PPP6R3: variants seen among roughly 807,000 people sequenced by gnomAD.
PPP6R3 encodes the protein serine/threonine-protein phosphatase 6 regulatory subunit 3.
Under a neutral mutation model 110.7 loss-of-function variants are expected in PPP6R3, and 38 were observed. The observed-to-expected ratio is 0.34, with a 90% confidence interval of 0.26 to 0.45. The LOEUF (loss-of-function observed/expected upper bound fraction) is 0.45. Ranked by LOEUF, PPP6R3 falls within the 20% of genes least tolerant of loss-of-function variation. The pLI, the probability that PPP6R3 is intolerant of heterozygous loss-of-function variation, is 1.00. For synonymous variants in PPP6R3, 369 were observed against 373.5 expected (o/e 0.99, Z 0.14); for missense variants, 870 against 1,062.4 (o/e 0.82, Z 2.52).
intron 5 of PPP6R3, among the ~76,000 whole-genome samples, chr11:68,549,691 A>G (rs2099363256): frequency 6.6e-6 from 1 of 152,126 alleles, no homozygotes; most frequent in Non-Finnish European, 1.5e-5. Flanking sequence ...TTTATTCAGG[A>G]TGGTTTACTG....
intron 1 of PPP6R3, among the ~76,000 whole-genome samples, chr11:68,499,657 C>T (rs1412955101): frequency 6.6e-6 from 1 of 152,142 alleles, no homozygotes; most frequent in Non-Finnish European, 1.5e-5. Context: ...CAGCCTTGAC[C>T]TTCCTGGCTC....
In PPP6R3 at chr11:68,609,949, C is replaced by T. The variant is rs745362695; in HGVS notation, c.2496C>T (p.Asp832=). Residue 832 remains aspartate, a synonymous_variant, in exon 23 of 24, where the codon GAC becomes GAT. Transcript: ENST00000393800. ...CCTCTCAAGATGCTGCTTGTAAAGA[C>T]GCAGAGGAGTGTCCCGAGACTGCAG... ...LSTSQDAACK[D]AEECPETAEA... The T allele has an allele frequency of 2.6e-5, 42 of 1,614,044 alleles. No individual in the cohort carries two copies. The highest frequency in any genetic ancestry group is 3.3e-4 in the Middle Eastern group (2 of 6,084).
chr11:68,613,947 A>AAG lies in PPP6R3; in HGVS notation c.*830_*831insAG. The AAG allele has an allele frequency of 1.1e-6, 1 of 949,966 alleles. No individual in the cohort carries two copies. The highest frequency in any genetic ancestry group is 5.0e-5 in the South Asian group (1 of 19,898). 58.8% of individuals were successfully genotyped at this position (949,966 alleles called of 1,614,324 possible). On this transcript the variant is annotated 3_prime_UTR_variant, in exon 24 of 24. Transcript: ENST00000393800. ...TTGTTTTTGTTTGTTTTTTTGTTTC[A>AAG]TTTGGTAGTTCATCTGCCTTTTAAC...
chr11:68,510,678 T>C (rs1403409958), intron 1 of PPP6R3, among the ~76,000 whole-genome samples: 1 of 152,190 alleles, frequency 6.6e-6, no homozygotes, highest in Non-Finnish European at 1.5e-5. Context: ...GCTTTATATG[T>C]CCATATTTTG....
At chr11:68,591,464 G>A in intron 17 of PPP6R3, 112 bp from the exon 18 acceptor site, 1 of 964,960 alleles carries the variant, frequency 1.0e-6, no homozygotes, top group South Asian at 1.9e-5. Context: ...GTATGTGATA[G>A]GCACCATATT....
chr11:68,609,143 C>A (rs566809378), intron 22 of PPP6R3, among the ~76,000 whole-genome samples: 5 of 152,172 alleles, frequency 3.3e-5, no homozygotes, highest in African/African-American at 7.2e-5. Flanking sequence ...AAATTTCTAG[C>A]CCACAGAGCT....
intron 15 of PPP6R3, among the ~76,000 whole-genome samples, chr11:68,584,645 G>C (rs1029785970): frequency 6.6e-6 from 1 of 152,046 alleles, no homozygotes; most frequent in Non-Finnish European, 1.5e-5. Context: ...CTGGTTCCAG[G>C]GTCATACCTG....
rs1035659447 is a variant in PPP6R3 at position 68,602,687 on chromosome 11, C to A, written c.2300-655C>A. ...AACCAATAACTAATGCTGGTTTCAT[C>A]ATCCTCCTGAACATTTGATACAGAT... On this transcript the variant is annotated intron_variant, in intron 21 of 23. Coordinates refer to ENST00000393800, the MANE Select transcript of PPP6R3 (RefSeq NM_001164161.2). Among the ~76,000 whole-genome samples, 10 of 152,198 alleles carry A rather than the reference C, an allele frequency of 6.6e-5. No individual in the cohort carries two copies. In the East Asian group the frequency reaches 1.9e-3, roughly 29 times the overall value.
intron 6 of PPP6R3, among the ~76,000 whole-genome samples, chr11:68,551,823 G>A (rs2099381361): frequency 6.6e-6 from 1 of 152,140 alleles, no homozygotes; most frequent in African/African-American, 2.4e-5. Flanking sequence ...AGCAGTTGAT[G>A]TGGCCACATT....
At chr11:68,522,394 A>G (rs2099168487) in intron 2 of PPP6R3, 1 of 152,272 alleles carries the variant, frequency 6.6e-6, no homozygotes, top group Non-Finnish European at 1.5e-5. Context: ...TTAATGTAGT[A>G]GATGATTCAC....
In PPP6R3 at chr11:68,462,244, A is replaced by G. The variant is rs1477080076; in HGVS notation, c.-158+1417A>G. ...GGTACTATTGGGAAGTCAGATGAGC[A>G]TTTGAGTCCCGACTCTTGGTGACTG... On this transcript the variant is annotated intron_variant, in intron 1 of 23. Coordinates refer to ENST00000393800, the MANE Select transcript of PPP6R3 (RefSeq NM_001164161.2). 5.9e-5 allele frequency among the ~76,000 whole-genome samples: 9 copies of G among 152,192 alleles called. No individual in the cohort carries two copies. In the East Asian group the frequency reaches 1.7e-3, roughly 29 times the overall value.
chr11:68,554,881 A>G (rs1401707350), intron 7 of PPP6R3, among the ~76,000 whole-genome samples: 2 of 152,206 alleles, frequency 1.3e-5, no homozygotes, highest in Non-Finnish European at 2.9e-5. Flanking sequence ...TAGCATTGTT[A>G]AGTACTAATG....
chr11:68,551,770 A>G (rs965625695), intron 6 of PPP6R3, among the ~76,000 whole-genome samples: 1 of 152,178 alleles, frequency 6.6e-6, no homozygotes, highest in South Asian at 2.1e-4. Context: ...TACAGCCGTG[A>G]GCCACTGTGC....
intron 1 of PPP6R3, among the ~76,000 whole-genome samples, chr11:68,474,902 C>CT (rs200860000): frequency 2.0e-5 from 3 of 151,676 alleles, no homozygotes; most frequent in East Asian, 1.9e-4. Context: ...ATTTAACTTC[C>CT]TTTTTTTTAT....
At chr11:68,470,466 T>G (rs1168287856) in intron 1 of PPP6R3, among the ~76,000 whole-genome samples, 1 of 150,376 alleles carries the variant, frequency 6.6e-6, no homozygotes, top group Non-Finnish European at 1.5e-5. Context: ...GTAGGCCAGA[T>G]GGATGGGGGA....
intron 18 of PPP6R3, among the ~76,000 whole-genome samples, chr11:68,594,407 A>G (rs2099607082): frequency 6.6e-6 from 1 of 152,136 alleles, no homozygotes. Context: ...CTACAATCCC[A>G]GCACTTTGGG....
chr11:68,497,949 T>G (rs1277488034), intron 1 of PPP6R3, among the ~76,000 whole-genome samples: 2 of 152,182 alleles, frequency 1.3e-5, no homozygotes, highest in Non-Finnish European at 2.9e-5. Flanking sequence ...TCATTGTTGT[T>G]TATTGTTGGA....
At chr11:68,579,607 C>G (rs1475854194) in intron 14 of PPP6R3, among the ~76,000 whole-genome samples, 1 of 152,198 alleles carries the variant, frequency 6.6e-6, no homozygotes, top group East Asian at 1.9e-4. Flanking sequence ...GCAAAAATTT[C>G]TGCTTCAGTG....
chr11:68,461,496 G>T (rs1041665781), intron 1 of PPP6R3, among the ~76,000 whole-genome samples: 1 of 85,980 alleles, frequency 1.2e-5, no homozygotes, highest in Admixed American at 1.2e-4. Context: ...GCCGGGGGTG[G>T]GGGGGGTGGG....
Sources: allele counts gnomAD v4.1 joint callset (sites outside exome capture counted in the v4.1 genomes callset), GRCh38; gene constraint gnomAD v4.1.1; transcripts MANE v1.5; gene names NCBI Gene and HGNC (gene_info 2026-07-23, HGNC 2026-07-21).